Variants in TENM4 observed in about 807,000 individuals in gnomAD.
TENM4 encodes teneurin transmembrane protein 4, also known as teneurin-4.
A neutral mutation model predicts 243.3 loss-of-function variants in TENM4; 82 were observed. The observed-to-expected ratio is 0.34, with a 90% CI of 0.28 to 0.40. The LOEUF is 0.40. TENM4 is among the 10% of genes least tolerant of loss of function. The pLI is 1.00. For synonymous variants in TENM4, 1,412 were observed against 1,456.3 expected, an observed-to-expected ratio of 0.97 and a Z score of 0.69; for missense variants, 3,138 against 3,673.3, an observed-to-expected ratio of 0.85 and a Z score of 3.77.
intron 1 of TENM4, among the ~76,000 whole-genome samples, chr11:79,391,560 C>T (rs1343745143): frequency 6.6e-6 from 1 of 152,150 alleles, no homozygotes; most frequent in Non-Finnish European, 1.5e-5. Context: ...CTTATCAATC[C>T]TGACACTCAA....
At chr11:78,770,430 T>C (rs1354721610) in intron 18 of TENM4, among the ~76,000 whole-genome samples, 1 of 152,206 alleles carries the variant, frequency 6.6e-6, no homozygotes, top group African/African-American at 2.4e-5. Context: ...CTAATGAATG[T>C]TCTAAAAGAT....
At chr11:79,008,679 G>C (rs1317951467) in intron 6 of TENM4, among the ~76,000 whole-genome samples, 1 of 152,090 alleles carries the variant, frequency 6.6e-6, no homozygotes. Context: ...GCTGGTTTCT[G>C]ATTTTTTTTT....
chr11:79,410,970 C>T (rs892661321), intron 1 of TENM4, among the ~76,000 whole-genome samples: 8 of 152,158 alleles, frequency 5.3e-5, no homozygotes, highest in Non-Finnish European at 8.8e-5. Context: ...CACACACACA[C>T]ATACAAACAC....
intron 1 of TENM4, among the ~76,000 whole-genome samples, chr11:79,419,576 T>C (rs1183334593): frequency 6.6e-6 from 1 of 152,230 alleles, no homozygotes; most frequent in Non-Finnish European, 1.5e-5. Flanking sequence ...CAGTGTGATA[T>C]GTACTTTGTA....
chr11:79,085,370 C>T (rs1591270551), intron 4 of TENM4, among the ~76,000 whole-genome samples: 3 of 86,816 alleles, frequency 3.5e-5, no homozygotes. Flanking sequence ...GAGCGAGACT[C>T]TGTCTCAAAA....
intron 6 of TENM4, among the ~76,000 whole-genome samples, chr11:79,008,890 T>A (rs1858567636): frequency 6.6e-6 from 1 of 152,130 alleles, no homozygotes; most frequent in African/African-American, 2.4e-5. Flanking sequence ...TCCATGAGAG[T>A]GTCTATATCA....
At chr11:78,990,609 G>A (rs1858019664) in intron 6 of TENM4, among the ~76,000 whole-genome samples, 2 of 152,108 alleles carry the variant, frequency 1.3e-5, no homozygotes, top group Non-Finnish European at 1.5e-5. Flanking sequence ...TAAAGTATAC[G>A]ATTCCATGTG....
At chr11:78,950,681 C>A (rs1399849385) in intron 6 of TENM4, among the ~76,000 whole-genome samples, 2 of 152,180 alleles carry the variant, frequency 1.3e-5, no homozygotes, top group Non-Finnish European at 2.9e-5. Context: ...TAACTGGGCA[C>A]TTTGCTAAGT....
At chr11:78,893,775 T>TCACACACACACACACACACACACA (rs1223569491) in intron 7 of TENM4, among the ~76,000 whole-genome samples, 23 of 23,756 alleles carry the variant, frequency 9.7e-4, no homozygotes, top group Admixed American at 4.3e-3. Flanking sequence ...TTTCAGGACT[T>TCACACACACACACACACACACACA]CACATACACA....
chr11:79,236,956 G>C (rs909122605), intron 2 of TENM4, among the ~76,000 whole-genome samples: 2 of 152,132 alleles, frequency 1.3e-5, no homozygotes, highest in Non-Finnish European at 2.9e-5. Flanking sequence ...GTGAGACAAA[G>C]GGGATTCCGT....
intron 12 of TENM4, among the ~76,000 whole-genome samples, chr11:78,823,957 G>A (rs1857793297): frequency 6.6e-6 from 1 of 152,084 alleles, no homozygotes; most frequent in African/African-American, 2.4e-5. Context: ...CCGTATGTAG[G>A]AAGGGAAAGT....
At chr11:79,059,141 G>A (rs1011989908) in intron 6 of TENM4, among the ~76,000 whole-genome samples, 15 of 152,118 alleles carry the variant, frequency 9.9e-5, no homozygotes, top group African/African-American at 3.4e-4. Flanking sequence ...TTGACACCAG[G>A]CTGCTTGACA....
intron 2 of TENM4, among the ~76,000 whole-genome samples, chr11:79,288,465 A>G (rs1856295994): frequency 6.6e-6 from 1 of 152,230 alleles, no homozygotes; most frequent in South Asian, 2.1e-4. Context: ...AAATCAAACT[A>G]TGTAGGCTTC....
intron 9 of TENM4, among the ~76,000 whole-genome samples, chr11:78,863,605 T>C (rs759236019): frequency 9.2e-5 from 14 of 152,186 alleles, no homozygotes; most frequent in Non-Finnish European, 1.3e-4. Flanking sequence ...GCATTATTCA[T>C]AGCAAAAGAA....
chr11:78,694,879 T>C (rs1434921477), intron 28 of TENM4, among the ~76,000 whole-genome samples: 3 of 152,172 alleles, frequency 2.0e-5, no homozygotes. Context: ...GATCCATGAT[T>C]TCAGCTTCAA....
intron 4 of TENM4, among the ~76,000 whole-genome samples, chr11:79,124,800 T>C (rs1861831773): frequency 6.8e-6 from 1 of 146,252 alleles, no homozygotes; most frequent in Admixed American, 6.9e-5. Context: ...TATATATGTA[T>C]ATGTATGTGT....
At position 78,658,555 on chromosome 11, in the gene TENM4, C is replaced by T. The variant is rs1378477704; in HGVS notation, c.7813G>A (p.Glu2605Lys). Residue 2605 changes from glutamate (E) to lysine (K), a missense_variant, in exon 34 of 34, where the codon GAG becomes AAG. Physicochemically the swap from Glu to Lys is moderately conservative, Grantham distance 56. Around this residue, in one of 2 missense-constraint regions of TENM4, gnomAD observed 2,467 missense variants for 3,059.1 expected, o/e 0.81. Coordinates refer to ENST00000278550, the MANE Select transcript of TENM4 (RefSeq NM_001098816.3). ...CCATCAATGGTGAAGTGCAGGTTCT[C>T]TAGGTAGTGGGCATGGTTCAAGATG... ...AAILNHAHYL[E>K]NLHFTIDGVD... 1 of 1,614,036 alleles carries T rather than the reference C, an allele frequency of 6.2e-7. No individual in the cohort carries two copies. Among genetic ancestry groups the T allele is most frequent in the South Asian group, 1.1e-5 (1 of 91,076 alleles).
chr11:79,131,667 C>T (rs1044398700), intron 4 of TENM4, among the ~76,000 whole-genome samples: 1 of 152,078 alleles, frequency 6.6e-6, no homozygotes, highest in African/African-American at 2.4e-5. Context: ...ACAAATAGCA[C>T]GATGAATGCA....
intron 6 of TENM4, among the ~76,000 whole-genome samples, chr11:79,033,205 C>T (rs578000880): frequency 4.6e-5 from 7 of 152,156 alleles, no homozygotes; most frequent in Middle Eastern, 3.4e-3. Context: ...CTCTAGACTG[C>T]GAGATCCATC....
Sources: gnomAD v4.1 joint callset for allele counts (sites outside exome capture counted in the v4.1 genomes callset) on GRCh38, gnomAD v4.1.1 for gene constraint, gnomAD v4.1.1 regional missense constraint, MANE v1.5 for transcripts, NCBI Gene and HGNC (gene_info 2026-07-23, HGNC 2026-07-21) for gene names.